Variants in CCDC85A observed in about 807,000 individuals in gnomAD.
CCDC85A encodes coiled-coil domain containing 85A, also known as coiled-coil domain-containing protein 85A.
CCDC85A carries 38 observed loss-of-function variants against 50.2 expected under a neutral mutation model. That is an observed-to-expected ratio of 0.76 (90% CI 0.58 to 0.99). CCDC85A has a LOEUF of 0.99. Among genes scored for constraint, CCDC85A ranks in the 50% least tolerant of loss-of-function variants. CCDC85A has a pLI of 0.00. For missense variants in CCDC85A, 820 were observed against 742.0 expected (o/e 1.11, Z -1.22); for synonymous variants, 366 against 301.4 (o/e 1.21, Z -2.22).
At chr2:56,383,739 C>A in intron 5 of CCDC85A, 1 of 985,064 alleles carries the variant, frequency 1.0e-6, no homozygotes, top group Non-Finnish European at 1.2e-6. Context: ...ACTTAAATAG[C>A]TCAATAACAA....
intron 2 of CCDC85A, among the ~76,000 whole-genome samples, chr2:56,245,145 A>G (rs568260916): frequency 6.6e-6 from 1 of 152,308 alleles, no homozygotes; most frequent in South Asian, 2.1e-4. Context: ...GGACATGCCC[A>G]GGAGTTGCAG....
chr2:56,337,260 A>C (rs2104307933), intron 2 of CCDC85A, among the ~76,000 whole-genome samples: 1 of 152,364 alleles, frequency 6.6e-6, no homozygotes, highest in Middle Eastern at 3.4e-3. Flanking sequence ...AATGGGCCTG[A>C]GATTCACCCA....
rs183683665 is a variant in CCDC85A, at chr2:56,328,848, C to T, written c.1241-14031C>T. The stretch of plus-strand genomic sequence containing the variant: ...GCACAACCCACAGTCATCTCTCAGT[C>T]CAGTCCCATAGCAGCTCCCTCAGTG... On this transcript the variant is annotated intron_variant, in intron 2 of 5. Transcript: ENST00000407595. 3.6e-4 allele frequency among the ~76,000 whole-genome samples: 55 copies of T among 152,282 alleles called. No homozygotes were observed. In the East Asian group the frequency reaches 6.2e-3, roughly 17 times the overall value.
intron 2 of CCDC85A, among the ~76,000 whole-genome samples, chr2:56,206,414 T>C (rs1676961660): frequency 6.6e-6 from 1 of 152,128 alleles, no homozygotes. Flanking sequence ...TAATTAATAA[T>C]GAACAGACGT....
chr2:56,218,199 A>G (rs1668169559), intron 2 of CCDC85A, among the ~76,000 whole-genome samples: 2 of 151,972 alleles, frequency 1.3e-5, no homozygotes, highest in African/African-American at 4.8e-5. Context: ...AACAGTGCTA[A>G]ATATCCTCTT....
Position 56,211,554 on chromosome 2 carries a change from G to GT in CCDC85A, c.1240+18123dup, listed in dbSNP as rs531217818. On this transcript the variant is annotated intron_variant, in intron 2 of 5. Transcript: ENST00000407595. ...GAATGTTAGAAATAAAGCAATCAGA[G>GT]TTTTTTTTTAATTAAGGAAAAATAA... Among the ~76,000 whole-genome samples, 675 of 151,150 alleles carry GT rather than the reference G, an allele frequency of 4.5e-3. 6 individuals carry two copies. The highest frequency in any genetic ancestry group is 0.016 in the African/African-American group (640 of 41,224).
intron 2 of CCDC85A, among the ~76,000 whole-genome samples, chr2:56,201,559 T>C (rs1481220670): frequency 6.6e-6 from 1 of 152,216 alleles, no homozygotes; most frequent in Non-Finnish European, 1.5e-5. Context: ...ATCTAGGCTG[T>C]ATGTAGCTAT....
chr2:56,293,598 A>G (rs182554665), intron 2 of CCDC85A, among the ~76,000 whole-genome samples: 6 of 152,314 alleles, frequency 3.9e-5, no homozygotes, highest in African/African-American at 1.4e-4. Flanking sequence ...TCTACAAGGA[A>G]CTTAAATTTA....
chr2:56,292,529 G>C (rs902505223), intron 2 of CCDC85A, among the ~76,000 whole-genome samples: 6 of 152,190 alleles, frequency 3.9e-5, no homozygotes, highest in Admixed American at 3.3e-4. Context: ...GAAAAGAGGA[G>C]AATGATGTGA....
intron 2 of CCDC85A, among the ~76,000 whole-genome samples, chr2:56,221,462 T>C (rs1668326298): frequency 1.3e-5 from 2 of 152,066 alleles, no homozygotes; most frequent in Admixed American, 6.6e-5. Flanking sequence ...TTTGCACACT[T>C]GTCTCCTGAG....
chr2:56,336,758 G>A (rs890529818), intron 2 of CCDC85A, among the ~76,000 whole-genome samples: 4 of 152,160 alleles, frequency 2.6e-5, no homozygotes, highest in Admixed American at 6.5e-5. Context: ...CAGAGAAAAC[G>A]AACAGAGCTC....
chr2:56,337,199 A>G (rs1674116363), intron 2 of CCDC85A, among the ~76,000 whole-genome samples: 1 of 152,220 alleles, frequency 6.6e-6, no homozygotes, highest in Admixed American at 6.5e-5. Flanking sequence ...TTCTTGCAAC[A>G]GATGCTGTGA....
intron 2 of CCDC85A, among the ~76,000 whole-genome samples, chr2:56,292,726 C>T (rs567350080): frequency 2.5e-4 from 38 of 152,288 alleles, no homozygotes; most frequent in Non-Finnish European, 5.1e-4. Context: ...TTTGTACATA[C>T]TTCTTCTCAG....
chr2:56,221,764 C>T (rs369058584), intron 2 of CCDC85A, among the ~76,000 whole-genome samples: 2 of 152,026 alleles, frequency 1.3e-5, no homozygotes, highest in African/African-American at 2.4e-5. Context: ...TTATAAATTT[C>T]TCACCCCACA....
chr2:56,376,041 T>C (rs999246239), intron 5 of CCDC85A, 106 bp downstream of exon 5: 2 of 1,189,712 alleles, frequency 1.7e-6, no homozygotes, highest in Non-Finnish European at 2.3e-6. Context: ...AGATATTTTA[T>C]TTTTTGACTC....
chr2:56,198,046 G>A (rs1676597460), intron 2 of CCDC85A, among the ~76,000 whole-genome samples: 1 of 152,074 alleles, frequency 6.6e-6, no homozygotes, highest in Non-Finnish European at 1.5e-5. Flanking sequence ...GTTTCACCCA[G>A]AGTTTTAAGA....
intron 2 of CCDC85A, among the ~76,000 whole-genome samples, chr2:56,283,602 T>C (rs924910451): frequency 6.6e-6 from 1 of 152,156 alleles, no homozygotes; most frequent in Non-Finnish European, 1.5e-5. Context: ...CTTTGGTTGG[T>C]TTTTGGCATT....
chr2:56,241,460 T>A (rs1248074073), intron 2 of CCDC85A, among the ~76,000 whole-genome samples: 1 of 151,864 alleles, frequency 6.6e-6, no homozygotes, highest in African/African-American at 2.4e-5. Context: ...CCATCCCCAA[T>A]TCCCCCTCCC....
At chr2:56,349,597 G>A (rs1049523620) in intron 3 of CCDC85A, among the ~76,000 whole-genome samples, 1 of 152,222 alleles carries the variant, frequency 6.6e-6, no homozygotes, top group South Asian at 2.1e-4. Flanking sequence ...ATATTTGAGG[G>A]TTCTTATTTG....
Sources: gnomAD v4.1 joint callset for allele counts (sites outside exome capture counted in the v4.1 genomes callset) on GRCh38, gnomAD v4.1.1 for gene constraint, MANE v1.5 for transcripts, NCBI Gene and HGNC (gene_info 2026-07-23, HGNC 2026-07-21) for gene names.